The following RNF2 variants were observed in gnomAD, a reference collection of about 807,000 sequenced individuals.
RNF2 encodes the protein E3 ubiquitin-protein ligase RING2.
Under a neutral mutation model 37.2 loss-of-function variants are expected in RNF2, and 6 were observed. That is an observed-to-expected ratio of 0.16 (90% CI 0.09 to 0.32). The LOEUF is 0.32. Ranked by LOEUF, RNF2 falls within the 10% of genes least tolerant of loss-of-function variation. The pLI is 1.00. For missense variants in RNF2, 251 were observed against 404.0 expected (o/e 0.62, Z 3.25); for synonymous variants, 133 against 132.7 (o/e 1.00, Z -0.02).
chr1:185,089,295 C>G (rs1050049253), intron 2 of RNF2, among the ~76,000 whole-genome samples: 1 of 152,192 alleles, frequency 6.6e-6, no homozygotes, highest in Non-Finnish European at 1.5e-5. Flanking sequence ...AAGCCAATAC[C>G]TGTCCATGGC....
At chr1:185,065,287 G>A (rs1571301901) in intron 1 of RNF2, among the ~76,000 whole-genome samples, 1 of 152,146 alleles carries the variant, frequency 6.6e-6, no homozygotes, top group Non-Finnish European at 1.5e-5. Flanking sequence ...GTGAAAAAAT[G>A]GACCAATCAG....
chr1:185,054,654 G>A (rs1432601171), intron 1 of RNF2, among the ~76,000 whole-genome samples: 8 of 152,066 alleles, frequency 5.3e-5, no homozygotes, highest in Admixed American at 5.2e-4. Flanking sequence ...TTGACATGTC[G>A]CCTCAGTTTC....
chr1:185,085,031 C>T (rs1026119120), intron 1 of RNF2, among the ~76,000 whole-genome samples: 9 of 152,192 alleles, frequency 5.9e-5, no homozygotes, highest in African/African-American at 2.2e-4. Flanking sequence ...GTAGCTGGAA[C>T]TCAGTGTGTG....
intron 1 of RNF2, among the ~76,000 whole-genome samples, chr1:185,050,677 G>T (rs576916186): frequency 3.9e-5 from 6 of 152,250 alleles, no homozygotes; most frequent in South Asian, 2.1e-4. Context: ...AATAGTTTGG[G>T]TAAAGTGTTA....
intron 4 of RNF2, among the ~76,000 whole-genome samples, chr1:185,093,783 CCTTTA>C (rs1328859400): frequency 6.6e-6 from 1 of 152,154 alleles, no homozygotes; most frequent in Non-Finnish European, 1.5e-5. Flanking sequence ...ATTAACTGTT[CCTTTA>C]CTTGTTTCTT....
intron 4 of RNF2, 89 bp from the exon 5 acceptor site, chr1:185,097,983 T>TC: frequency 7.0e-7 from 1 of 1,431,648 alleles, no homozygotes; most frequent in South Asian, 1.3e-5. Context: ...TTTTTGGAAT[T>TC]CTAAAGTTCA....
intron 1 of RNF2, among the ~76,000 whole-genome samples, chr1:185,084,838 C>T (rs1651533270): frequency 6.6e-6 from 1 of 152,178 alleles, no homozygotes; most frequent in Admixed American, 6.5e-5. Flanking sequence ...TAGCAGGTGT[C>T]TAATAATGCT....
chr1:185,061,367 A>G (rs1373818274), intron 1 of RNF2, among the ~76,000 whole-genome samples: 1 of 151,890 alleles, frequency 6.6e-6, no homozygotes, highest in Admixed American at 6.6e-5. Flanking sequence ...ATCTCTTAAA[A>G]GGGGAAAAAA....
intron 1 of RNF2, among the ~76,000 whole-genome samples, chr1:185,080,868 A>C (rs534632611): frequency 1.3e-5 from 2 of 152,292 alleles, no homozygotes; most frequent in African/African-American, 4.8e-5. Flanking sequence ...GTTCCTATTA[A>C]TTTTCCAGGG....
intron 1 of RNF2, among the ~76,000 whole-genome samples, chr1:185,077,295 C>T (rs1651196436): frequency 6.6e-6 from 1 of 151,862 alleles, no homozygotes. Context: ...CATCCTCCTC[C>T]CCCCTCCCTC....
intron 1 of RNF2, among the ~76,000 whole-genome samples, chr1:185,054,237 A>G (rs1650361747): frequency 6.6e-6 from 1 of 152,234 alleles, no homozygotes; most frequent in Admixed American, 6.5e-5. Flanking sequence ...TAAACTGGAC[A>G]TTATCATTCA....
chr1:185,078,852 C>T (rs1012777093), intron 1 of RNF2, among the ~76,000 whole-genome samples: 1 of 152,216 alleles, frequency 6.6e-6, no homozygotes, highest in African/African-American at 2.4e-5. Flanking sequence ...CGAGACCAGC[C>T]TAGCCAACAT....
At chr1:185,066,447 C>T (rs1276811862) in intron 1 of RNF2, among the ~76,000 whole-genome samples, 3 of 152,192 alleles carry the variant, frequency 2.0e-5, no homozygotes, top group Non-Finnish European at 4.4e-5. Context: ...TTAAACTCTT[C>T]CTCCAAGAAT....
intron 2 of RNF2, among the ~76,000 whole-genome samples, chr1:185,091,053 C>T (rs1651752235): frequency 6.6e-6 from 1 of 152,082 alleles, no homozygotes; most frequent in Non-Finnish European, 1.5e-5. Flanking sequence ...AAATGAAATT[C>T]TATTAAGCTG....
At chr1:185,058,765 T>C (rs1174860935) in intron 1 of RNF2, among the ~76,000 whole-genome samples, 1 of 152,246 alleles carries the variant, frequency 6.6e-6, no homozygotes, top group Non-Finnish European at 1.5e-5. Context: ...CTAATGGGCA[T>C]TTCGGTATAT....
intron 1 of RNF2, among the ~76,000 whole-genome samples, chr1:185,047,735 AT>A (rs1257906192): frequency 4.6e-5 from 7 of 152,228 alleles, no homozygotes; most frequent in Non-Finnish European, 8.8e-5. Context: ...GACTCATTAA[AT>A]TCTGGATAAA....
At chr1:185,059,645 T>G (rs1251265834) in intron 1 of RNF2, among the ~76,000 whole-genome samples, 4 of 152,138 alleles carry the variant, frequency 2.6e-5, no homozygotes, top group Non-Finnish European at 5.9e-5. Context: ...TAATCATATG[T>G]TTGGTTGGGG....
chr1:185,056,017 CTAGAA>C (rs1194373777), intron 1 of RNF2, among the ~76,000 whole-genome samples: 1 of 152,024 alleles, frequency 6.6e-6, no homozygotes, highest in African/African-American at 2.4e-5. Flanking sequence ...AAAGTACTAT[CTAGAA>C]TAGTAAATCT....
intron 2 of RNF2, among the ~76,000 whole-genome samples, chr1:185,089,357 A>T (rs1329190324): frequency 6.6e-6 from 1 of 152,210 alleles, no homozygotes; most frequent in Non-Finnish European, 1.5e-5. Context: ...TGCCTAAGTT[A>T]TATGCAAACA....
Sources: gnomAD v4.1 joint callset for allele counts (sites outside exome capture counted in the v4.1 genomes callset) on GRCh38, gnomAD v4.1.1 for gene constraint, MANE v1.5 for transcripts, NCBI Gene and HGNC (gene_info 2026-07-23, HGNC 2026-07-21) for gene names.